Variants in TSPAN16 observed in about 807,000 individuals in gnomAD.
TSPAN16 encodes the protein tetraspanin 16.
A neutral mutation model predicts 25.2 loss-of-function variants in TSPAN16; 23 were observed. The observed-to-expected ratio is 0.91, with a 90% CI of 0.66 to 1.29. The LOEUF (loss-of-function observed/expected upper bound fraction) is 1.29. Among genes scored for constraint, TSPAN16 ranks in the 50% most tolerant of loss-of-function variants. TSPAN16 has a pLI of 0.00. For missense variants in TSPAN16, 272 were observed against 299.9 expected, an observed-to-expected ratio of 0.91 and a Z score of 0.69; for synonymous variants, 123 against 124.4, an observed-to-expected ratio of 0.99 and a Z score of 0.08.
exon 7 of TSPAN16, chr19:11,326,861 A>G (rs1011547201): frequency 1.6e-6 from 1 of 630,084 alleles, no homozygotes; most frequent in South Asian, 1.8e-5. Context: ...CCCCCCGCCT[A>G]GGCCTCCCAA....
In TSPAN16 at chr19:11,306,497, T is replaced by A. The variant is rs962180011; in HGVS notation, c.451-107T>A. 46 of 1,344,066 alleles carry A rather than the reference T, an allele frequency of 3.4e-5. No homozygotes were observed. In the South Asian group the frequency reaches 5.8e-4, roughly 17 times the overall value. The allele number at this position is 1,344,066 out of a possible 1,614,324, so 83.3% of individuals were successfully genotyped here. On this transcript the variant is annotated intron_variant, in intron 4 of 6. Coordinates refer to ENST00000590327, the MANE Select transcript of TSPAN16 (RefSeq NM_001282509.2). ...GTTTGTAAGAGGATGTTTAGCACAGTCTCTGGGATATTGTGACCATACTAG... is the reference window on the plus strand; with the variant it reads ...GTTTGTAAGAGGATGTTTAGCACAGACTCTGGGATATTGTGACCATACTAG...
chr19:11,313,018 A>G (rs1165266907), intron 6 of TSPAN16, among the ~76,000 whole-genome samples: 1 of 152,146 alleles, frequency 6.6e-6, no homozygotes, highest in African/African-American at 2.4e-5. Flanking sequence ...GATCTACAGC[A>G]AGTAATGACA....
At chr19:11,300,112 G>A (rs975189375) in intron 3 of TSPAN16, among the ~76,000 whole-genome samples, 5 of 152,208 alleles carry the variant, frequency 3.3e-5, no homozygotes, top group African/African-American at 9.6e-5. Context: ...GTACAGGGAA[G>A]GAGGCGGCTC....
chr19:11,325,845 G>A (rs188686214), intron 6 of TSPAN16, among the ~76,000 whole-genome samples: 7 of 152,312 alleles, frequency 4.6e-5, no homozygotes, highest in African/African-American at 1.4e-4. Flanking sequence ...AAGCTACGGC[G>A]GGAGGATCGC....
At chr19:11,324,433 G>C (rs139782948) in intron 6 of TSPAN16, 2 of 152,292 alleles carry the variant, frequency 1.3e-5, no homozygotes, top group East Asian at 3.9e-4. Context: ...GGCTGGGAAC[G>C]TTGCTTCATT....
At chr19:11,297,525 CT>C (rs1453969353) in intron 1 of TSPAN16, among the ~76,000 whole-genome samples, 1 of 114,200 alleles carries the variant, frequency 8.8e-6, no homozygotes, top group Non-Finnish European at 1.7e-5. Context: ...GAGACGGAGT[CT>C]TGCTCTGTCA....
chr19:11,316,197 C>T (rs147755794), downstream of TSPAN16, among the ~76,000 whole-genome samples: 155 of 151,264 alleles, frequency 1.0e-3, no homozygotes, highest in African/African-American at 3.6e-3. Context: ...CAGCTCACTG[C>T]AACCTCCACC....
chr19:11,296,410 C>A, intron 1 of TSPAN16, 44 bp downstream of exon 1: 2 of 1,584,136 alleles, frequency 1.3e-6, no homozygotes, highest in Non-Finnish European at 8.7e-7. Context: ...TGCAGCCCTT[C>A]CTCCACAGTC....
intron 4 of TSPAN16, among the ~76,000 whole-genome samples, chr19:11,304,191 G>A (rs966543687): frequency 1.3e-5 from 2 of 151,548 alleles, no homozygotes; most frequent in African/African-American, 4.9e-5. Flanking sequence ...TGTTATTTAA[G>A]CTTTTGAGAC....
At chr19:11,307,594 TA>T (rs2080643812) in intron 5 of TSPAN16, among the ~76,000 whole-genome samples, 1 of 151,108 alleles carries the variant, frequency 6.6e-6, no homozygotes, top group Non-Finnish European at 1.5e-5. Flanking sequence ...AATTTTTTTT[TA>T]ATTTTTATTT....
chr19:11,311,815 G>T (rs530967540), intron 5 of TSPAN16, among the ~76,000 whole-genome samples: 3 of 152,092 alleles, frequency 2.0e-5, no homozygotes, highest in Non-Finnish European at 4.4e-5. Flanking sequence ...GAGGTATAGC[G>T]ACTTCTCCAA....
At chr19:11,311,529 C>A (rs2080692553) in intron 5 of TSPAN16, among the ~76,000 whole-genome samples, 3 of 152,086 alleles carry the variant, frequency 2.0e-5, no homozygotes, top group Non-Finnish European at 1.5e-5. Context: ...TGGCTGAGCT[C>A]AAGCAATCCT....
chr19:11,306,335 C>T (rs1313487864), intron 4 of TSPAN16, among the ~76,000 whole-genome samples: 2 of 151,778 alleles, frequency 1.3e-5, no homozygotes, highest in Admixed American at 6.6e-5. Context: ...CTGGGAATAC[C>T]GGCATCTGCC....
chr19:11,322,848 GCCC>G (rs1449678389), intron 6 of TSPAN16: 2 of 152,188 alleles, frequency 1.3e-5, no homozygotes, highest in African/African-American at 4.8e-5. Flanking sequence ...GGTTAGCTCT[GCCC>G]TATTCAAGAC....
chr19:11,306,337 G>T (rs1363142346), intron 4 of TSPAN16, among the ~76,000 whole-genome samples: 1 of 151,976 alleles, frequency 6.6e-6, no homozygotes, highest in Non-Finnish European at 1.5e-5. Context: ...GGGAATACCG[G>T]CATCTGCCAC....
chr19:11,298,858 C>G lies in TSPAN16; in HGVS notation c.268-14C>G, dbSNP rs558745470. 3.7e-6 allele frequency: 6 copies of G among 1,613,400 alleles called. No homozygotes were observed. The highest frequency in any genetic ancestry group is 5.1e-6 in the Non-Finnish European group (6 of 1,179,394). On this transcript the variant is annotated splice_polypyrimidine_tract_variant and intron_variant, in intron 2 of 6. Coordinates refer to ENST00000590327, the MANE Select transcript of TSPAN16 (RefSeq NM_001282509.2). ...AGCAGGCTCCCAGGCCCTCTCTCCCCGTGTGTCTTTTAGTGCATCCTGTCA... is the reference window on the plus strand; with the variant it reads ...AGCAGGCTCCCAGGCCCTCTCTCCCGGTGTGTCTTTTAGTGCATCCTGTCA...
At chr19:11,299,127 A>G (rs2080514190) in intron 3 of TSPAN16, among the ~76,000 whole-genome samples, 181 bp downstream of exon 3, 1 of 151,996 alleles carries the variant, frequency 6.6e-6, no homozygotes, top group Admixed American at 6.6e-5. Flanking sequence ...CAAAAATACA[A>G]AAAATTAGCC....
In TSPAN16 at chr19:11,306,751, C is replaced by CA; in HGVS notation, c.599dup (p.Lys201GlufsTer6). 6.2e-7 allele frequency: 1 copy of CA among 1,613,544 alleles called. No homozygotes were observed. The highest frequency in any genetic ancestry group is 1.1e-5 in the South Asian group (1 of 91,002). ...CGATGTGTCTCCAAACGTCATCCACCAGAAGGTAACTGGAGATTTTGTGTG... is the reference window on the plus strand; with the variant it reads ...CGATGTGTCTCCAAACGTCATCCACCAAGAAGGTAACTGGAGATTTTGTGTG... On this transcript the variant is annotated frameshift_variant, in exon 5 of 7. Transcript: ENST00000590327. LOFTEE classifies it high-confidence loss of function.
At chr19:11,318,814 T>G (rs957424613), downstream of TSPAN16, among the ~76,000 whole-genome samples, 3 of 152,092 alleles carry the variant, frequency 2.0e-5, no homozygotes, top group South Asian at 2.1e-4. Flanking sequence ...ACACGGCTAA[T>G]TTTTGTATTT....
Sources: gnomAD v4.1 joint callset for allele counts (sites outside exome capture counted in the v4.1 genomes callset) on GRCh38, gnomAD v4.1.1 for gene constraint, MANE v1.5 for transcripts, NCBI Gene and HGNC (gene_info 2026-07-23, HGNC 2026-07-21) for gene names.